LDLRAD4: variants seen among roughly 807,000 people sequenced by gnomAD.
LDLRAD4 encodes the protein low density lipoprotein receptor class A domain containing 4.
A neutral mutation model predicts 17.0 loss-of-function variants in LDLRAD4; 5 were observed. The observed-to-expected ratio is 0.29, with a 90% CI of 0.15 to 0.62. The LOEUF (loss-of-function observed/expected upper bound fraction) is 0.62, where lower values mean the gene tolerates loss of function less well. Among genes scored for constraint, LDLRAD4 ranks in the 20% least tolerant of loss-of-function variants. The pLI, the probability that LDLRAD4 is intolerant of heterozygous loss-of-function variation, is 0.84. For synonymous variants in LDLRAD4, 168 were observed against 171.8 expected (o/e 0.98, Z 0.17); for missense variants, 340 against 424.7 (o/e 0.80, Z 1.75).
intron 1 of LDLRAD4, among the ~76,000 whole-genome samples, chr18:13,244,264 A>T (rs1037520884): frequency 2.0e-5 from 3 of 150,050 alleles, no homozygotes; most frequent in Non-Finnish European, 4.4e-5. Flanking sequence ...TCATTCTTCT[A>T]TCCATCCATC....
chr18:13,595,589 A>G (rs1449348958), intron 3 of LDLRAD4, among the ~76,000 whole-genome samples: 14 of 151,830 alleles, frequency 9.2e-5, no homozygotes, highest in African/African-American at 7.3e-5. Context: ...GCTTAAGCCA[A>G]CCTCCCACCT....
At chr18:13,641,953 C>A (rs1372476986) in intron 4 of LDLRAD4, 2 of 985,350 alleles carry the variant, frequency 2.0e-6, no homozygotes, top group Non-Finnish European at 2.4e-6. Context: ...GAGCGAGGAG[C>A]GCCCCTGCGG....
intron 1 of LDLRAD4, among the ~76,000 whole-genome samples, chr18:13,280,816 C>T (rs927552901): frequency 2.0e-5 from 3 of 152,204 alleles, no homozygotes; most frequent in African/African-American, 7.2e-5. Context: ...AGGGACCATG[C>T]GGATGTCTTC....
intron 4 of LDLRAD4, chr18:13,641,799 G>A (rs2042583687): frequency 1.0e-6 from 1 of 985,752 alleles, no homozygotes; most frequent in African/African-American, 1.7e-5. Context: ...GGCGGCTCCT[G>A]TGGGCACTTG....
chr18:13,542,090 G>T (rs2094292042), intron 3 of LDLRAD4, among the ~76,000 whole-genome samples: 2 of 152,090 alleles, frequency 1.3e-5, no homozygotes, highest in Admixed American at 1.3e-4. Context: ...AAAGGAAAAA[G>T]GTCACTCTCT....
intron 3 of LDLRAD4, among the ~76,000 whole-genome samples, chr18:13,591,469 C>T (rs2095029205): frequency 6.6e-6 from 1 of 150,590 alleles, no homozygotes; most frequent in South Asian, 2.1e-4. Flanking sequence ...TGTGTGTCTG[C>T]CTGTTTATTC....
chr18:13,394,591 C>T (rs2086514010), intron 2 of LDLRAD4, among the ~76,000 whole-genome samples: 1 of 152,100 alleles, frequency 6.6e-6, no homozygotes, highest in African/African-American at 2.4e-5. Context: ...TTTCATTTTC[C>T]AGCTCTTTTT....
intron 3 of LDLRAD4, among the ~76,000 whole-genome samples, chr18:13,579,041 T>C (rs960917016): frequency 1.8e-4 from 27 of 151,684 alleles, no homozygotes; most frequent in African/African-American, 6.3e-4. Context: ...ATACAAAAAA[T>C]TAGTCAGACG....
chr18:13,556,130 A>G (rs1281219830), intron 3 of LDLRAD4, among the ~76,000 whole-genome samples: 2 of 152,246 alleles, frequency 1.3e-5, no homozygotes, highest in African/African-American at 4.8e-5. Flanking sequence ...GTTATTTTCT[A>G]GAGTTCATCG....
intron 4 of LDLRAD4, among the ~76,000 whole-genome samples, chr18:13,637,457 A>G (rs2042173500): frequency 6.6e-6 from 1 of 152,106 alleles, no homozygotes; most frequent in Non-Finnish European, 1.5e-5. Context: ...AACATTGCTT[A>G]AGCTGCCCCC....
At chr18:13,400,465 T>G (rs1321034578) in intron 2 of LDLRAD4, among the ~76,000 whole-genome samples, 1 of 152,204 alleles carries the variant, frequency 6.6e-6, no homozygotes, top group Non-Finnish European at 1.5e-5. Context: ...ACTGGGCTGC[T>G]GGGTGTGGGG....
chr18:13,220,065 TTA>T (rs2041366060), intron 1 of LDLRAD4, among the ~76,000 whole-genome samples: 1 of 152,194 alleles, frequency 6.6e-6, no homozygotes, highest in African/African-American at 2.4e-5. Context: ...ATTTATTGAA[TTA>T]TATTTGGTTT....
At chr18:13,287,589 C>T (rs955375933) in intron 1 of LDLRAD4, among the ~76,000 whole-genome samples, 1 of 152,180 alleles carries the variant, frequency 6.6e-6, no homozygotes, top group African/African-American at 2.4e-5. Flanking sequence ...ATGGTGTGGG[C>T]TTCTGTAACC....
chr18:13,361,640 T>A (rs1403543339), intron 1 of LDLRAD4, among the ~76,000 whole-genome samples: 3 of 152,194 alleles, frequency 2.0e-5, no homozygotes, highest in Admixed American at 6.5e-5. Context: ...TTGTAGGGGT[T>A]CTGGATGACA....
At chr18:13,566,192 A>G (rs556602599) in intron 3 of LDLRAD4, among the ~76,000 whole-genome samples, 91 of 152,290 alleles carry the variant, frequency 6.0e-4, no homozygotes, top group African/African-American at 2.1e-3. Flanking sequence ...GACCCCCGTC[A>G]GTGCTGGGGA....
In LDLRAD4 at chr18:13,622,004, G is replaced by C. The variant is rs150987893; in HGVS notation, c.336+733G>C. On this transcript the variant is annotated intron_variant, in intron 4 of 5. Coordinates refer to ENST00000359446, the Ensembl canonical transcript of LDLRAD4. This position sits in a 1 kb window ranked among gnomAD's most constrained non-coding sequence, Gnocchi z 5.3. Reference sequence around the variant, plus strand: ...GGCTTCCAGCCAGAGGGTTAGGAGCGGTGAGTTCAGCGAGCGTATAAATCC... The same window carrying C: ...GGCTTCCAGCCAGAGGGTTAGGAGCCGTGAGTTCAGCGAGCGTATAAATCC... 2.0e-5 allele frequency among the ~76,000 whole-genome samples: 3 copies of C among 152,198 alleles called. No individual in the cohort carries two copies. The highest frequency in any genetic ancestry group is 7.2e-5 in the African/African-American group (3 of 41,448).
chr18:13,483,283 G>A (rs1028816951), intron 3 of LDLRAD4, among the ~76,000 whole-genome samples: 2 of 152,184 alleles, frequency 1.3e-5, no homozygotes, highest in African/African-American at 4.8e-5. Flanking sequence ...TAGTTACTGA[G>A]TTTCTCACTG....
At chr18:13,478,373 T>C (rs1405874867) in intron 3 of LDLRAD4, among the ~76,000 whole-genome samples, 8 of 152,200 alleles carry the variant, frequency 5.3e-5, no homozygotes. Flanking sequence ...AAGCACCTAT[T>C]CTCCTTTAAT....
At chr18:13,408,470 T>A (rs983413976) in intron 2 of LDLRAD4, among the ~76,000 whole-genome samples, 8 of 152,136 alleles carry the variant, frequency 5.3e-5, no homozygotes, top group Admixed American at 2.0e-4. Context: ...TTTTTAAATT[T>A]TTTTTATTTT....
Sources: allele counts gnomAD v4.1 joint callset (sites outside exome capture counted in the v4.1 genomes callset), GRCh38; gene constraint gnomAD v4.1.1; non-coding constraint Gnocchi (gnomAD v3.1); transcripts MANE v1.5; gene names NCBI Gene and HGNC (gene_info 2026-07-23, HGNC 2026-07-21).